The following CIMAP3 variants were observed in gnomAD, a reference collection of about 807,000 sequenced individuals.
CIMAP3 encodes ciliary microtubule-associated protein 3.
chr1:111,326,435 A>T, the CIMAP3 span, among the ~76,000 whole-genome samples: 1 of 152,282 alleles, frequency 6.6e-6, no homozygotes, highest in East Asian at 1.9e-4. Context: ...ACTTAACATA[A>T]TGACCTCGGG....
the CIMAP3 span, among the ~76,000 whole-genome samples, chr1:111,350,845 T>C: frequency 6.6e-6 from 1 of 152,244 alleles, no homozygotes; most frequent in African/African-American, 2.4e-5. Context: ...ATAGTAATTG[T>C]TCAATCTGTT....
the CIMAP3 span, among the ~76,000 whole-genome samples, chr1:111,336,699 A>G: frequency 6.6e-6 from 1 of 152,236 alleles, no homozygotes; most frequent in Non-Finnish European, 1.5e-5. Flanking sequence ...GGACTATGTG[A>G]AAAGACCGAA....
the CIMAP3 span, chr1:111,347,637 T>TTTTTG: frequency 1.7e-6 from 2 of 1,189,002 alleles, no homozygotes; most frequent in Non-Finnish European, 2.4e-6. Flanking sequence ...TTTTTTTTTT[T>TTTTTG]GGTGTTTTTG....
the CIMAP3 span, among the ~76,000 whole-genome samples, chr1:111,342,048 G>A: frequency 1.5e-4 from 23 of 152,060 alleles, no homozygotes; most frequent in African/African-American, 5.1e-4. Flanking sequence ...ACTTGAGAAC[G>A]ATATAAACAC....
the CIMAP3 span, among the ~76,000 whole-genome samples, chr1:111,330,621 C>T: frequency 6.6e-6 from 1 of 152,232 alleles, no homozygotes; most frequent in Non-Finnish European, 1.5e-5. Context: ...TCTCCCACTT[C>T]AGTGCTGGCC....
the CIMAP3 span, among the ~76,000 whole-genome samples, chr1:111,339,741 G>A: frequency 6.6e-6 from 1 of 151,840 alleles, no homozygotes; most frequent in Non-Finnish European, 1.5e-5. Context: ...CCATGCTCAT[G>A]GGTAGGAAGA....
the CIMAP3 span, among the ~76,000 whole-genome samples, chr1:111,327,406 T>C: frequency 4.6e-5 from 7 of 152,168 alleles, no homozygotes; most frequent in African/African-American, 1.7e-4. Flanking sequence ...CCTCAATTTT[T>C]TGGAATCATT....
At chr1:111,347,618 C>CTTTTTTTTTTTTTTTTTTTTTTGT in the CIMAP3 span, 2 of 928,432 alleles carry the variant, frequency 2.2e-6, no homozygotes, top group South Asian at 1.9e-5. Context: ...GTTGTTTTTT[C>CTTTTTTTTTTTTTTTTTTTTTTGT]TTTCTTTTTT....
chr1:111,344,467 T>C, the CIMAP3 span, among the ~76,000 whole-genome samples: 2 of 152,238 alleles, frequency 1.3e-5, no homozygotes, highest in Admixed American at 6.5e-5. Context: ...AGCGTTCCAA[T>C]GGAACAGCAG....
chr1:111,326,280 C>A, the CIMAP3 span, among the ~76,000 whole-genome samples: 1 of 152,114 alleles, frequency 6.6e-6, no homozygotes, highest in Non-Finnish European at 1.5e-5. Context: ...ACCCGTTAAC[C>A]TATCTCTCTT....
the CIMAP3 span, among the ~76,000 whole-genome samples, chr1:111,330,220 T>C: frequency 6.6e-6 from 1 of 152,226 alleles, no homozygotes; most frequent in Non-Finnish European, 1.5e-5. Context: ...AAACTCTTGT[T>C]GGAGAGCTGG....
chr1:111,334,388 C>G, the CIMAP3 span, among the ~76,000 whole-genome samples: 1 of 152,228 alleles, frequency 6.6e-6, no homozygotes, highest in East Asian at 1.9e-4. Flanking sequence ...AGGCAGTGAC[C>G]TAGCAGTAAA....
the CIMAP3 span, among the ~76,000 whole-genome samples, chr1:111,335,982 G>A: frequency 3.7e-4 from 56 of 152,286 alleles, no homozygotes; most frequent in African/African-American, 3.1e-4. Context: ...TTACACGGCC[G>A]GGTACTCCTC....
At chr1:111,339,961 C>G in the CIMAP3 span, among the ~76,000 whole-genome samples, 2 of 151,684 alleles carry the variant, frequency 1.3e-5, no homozygotes, top group Non-Finnish European at 2.9e-5. Context: ...AACTATACTA[C>G]AAGGCTCCAG....
At chr1:111,334,601 A>C in the CIMAP3 span, among the ~76,000 whole-genome samples, 3 of 152,318 alleles carry the variant, frequency 2.0e-5, no homozygotes, top group Middle Eastern at 3.4e-3. Context: ...TCTGACCAAA[A>C]ATTCAAAATA....
the CIMAP3 span, among the ~76,000 whole-genome samples, chr1:111,345,864 T>G: frequency 6.6e-6 from 1 of 152,192 alleles, no homozygotes; most frequent in Non-Finnish European, 1.5e-5. Flanking sequence ...TCAGTGATAA[T>G]AACCTGTCGT....
chr1:111,333,538 G>A, the CIMAP3 span, among the ~76,000 whole-genome samples: 1 of 152,222 alleles, frequency 6.6e-6, no homozygotes, highest in Non-Finnish European at 1.5e-5. Context: ...CATGAGGACT[G>A]TGGTATTCTC....
chr1:111,351,298 G>A, the CIMAP3 span: 1 of 1,591,352 alleles, frequency 6.3e-7, no homozygotes, highest in Non-Finnish European at 8.5e-7. Context: ...TCGGAACCGT[G>A]TGGCCTACCT....
chr1:111,351,206 A>C, the CIMAP3 span: 5 of 1,140,004 alleles, frequency 4.4e-6, no homozygotes. Context: ...GGAAGACCAG[A>C]GGCAGAGGGT....
Sources: allele counts gnomAD v4.1 joint callset (sites outside exome capture counted in the v4.1 genomes callset), GRCh38; gene constraint gnomAD v4.1.1; transcripts MANE v1.5; gene names NCBI Gene and HGNC (gene_info 2026-07-23, HGNC 2026-07-21).